LRRC49: variants seen among roughly 807,000 people sequenced by gnomAD.
The protein encoded by LRRC49 is leucine rich repeat containing 49.
LRRC49 carries 50 observed loss-of-function variants against 83.3 expected under a neutral mutation model. The ratio of observed to expected loss-of-function variants is 0.60; its 90% CI spans 0.48 to 0.76. The LOEUF (loss-of-function observed/expected upper bound fraction) is 0.76. Among genes scored for constraint, LRRC49 ranks in the 30% least tolerant of loss-of-function variants. The pLI, the probability that LRRC49 is intolerant of heterozygous loss-of-function variation, is 0.00. For missense variants in LRRC49, 704 were observed against 809.1 expected, an observed-to-expected ratio of 0.87 and a Z score of 1.58; for synonymous variants, 286 against 283.3, an observed-to-expected ratio of 1.01 and a Z score of -0.10.
intron 15 of LRRC49, among the ~76,000 whole-genome samples, chr15:71,049,170 G>T (rs2039945533): frequency 6.6e-6 from 1 of 152,120 alleles, no homozygotes. Flanking sequence ...ACATTTTCTA[G>T]CAGAGCTGTC....
At chr15:71,039,441 G>A (rs554926316) in intron 15 of LRRC49, among the ~76,000 whole-genome samples, 6 of 152,246 alleles carry the variant, frequency 3.9e-5, no homozygotes, top group Non-Finnish European at 5.9e-5. Flanking sequence ...TTCTATGGAC[G>A]ATTGGTTTCA....
intron 1 of LRRC49, chr15:70,853,675 G>A: frequency 2.9e-6 from 1 of 342,262 alleles, no homozygotes; most frequent in Non-Finnish European, 5.2e-6. Context: ...AGCCCTGGGA[G>A]CCTCGGTTGG....
intron 6 of LRRC49, among the ~76,000 whole-genome samples, chr15:70,914,508 A>C (rs1299055509): frequency 4.6e-5 from 7 of 152,216 alleles, no homozygotes; most frequent in Non-Finnish European, 1.0e-4. Context: ...GAAACTAATT[A>C]CAATAATCTT....
chr15:70,942,947 G>T (rs1184644103), intron 8 of LRRC49, among the ~76,000 whole-genome samples: 1 of 152,114 alleles, frequency 6.6e-6, no homozygotes, highest in African/African-American at 2.4e-5. Context: ...CTGTTTTAAA[G>T]TTCTTATCTA....
Position 71,008,403 on chromosome 15 carries a change from T to C in LRRC49, c.1194T>C (p.Asn398=), listed in dbSNP as rs1278216264. The change falls in exon 12 of 16, where the codon AAT becomes AAC. Residue 398 remains asparagine (N), a synonymous_variant. Coordinates refer to ENST00000260382, the MANE Select transcript of LRRC49 (RefSeq NM_017691.5). ...GGCCTCTAGACTCAGGACTCAACAA[T>C]GCTTTACAAGGTTTATCTGTCATAG... is the stretch of plus-strand genomic sequence containing the variant. ...ETGPLDSGLN[N]ALQGLSVIDT... 6.2e-7 allele frequency: 1 copy of C among 1,612,596 alleles called. No individual in the cohort carries two copies. Among genetic ancestry groups the C allele is most frequent in the Admixed American group, 1.7e-5 (1 of 59,952 alleles).
intron 6 of LRRC49, among the ~76,000 whole-genome samples, chr15:70,914,910 A>T (rs1358530575): frequency 6.6e-6 from 1 of 152,208 alleles, no homozygotes; most frequent in Non-Finnish European, 1.5e-5. Flanking sequence ...TTACTCTCAT[A>T]CACAAAGGTT....
intron 15 of LRRC49, among the ~76,000 whole-genome samples, chr15:71,047,269 C>T (rs151077002): frequency 0.012 from 1,801 of 152,248 alleles, 35 homozygotes; most frequent in African/African-American, 0.04. Flanking sequence ...CTGTAAATTA[C>T]TTTGGGCAAT....
At chr15:70,859,774 C>G (rs530592669) in intron 1 of LRRC49, 40 of 735,740 alleles carry the variant, frequency 5.4e-5, no homozygotes, top group Non-Finnish European at 8.2e-5. Context: ...CCAAGCTGTC[C>G]GAGCTGGAGG....
intron 2 of LRRC49, chr15:70,883,022 T>TA: frequency 1.0e-6 from 1 of 981,220 alleles, no homozygotes; most frequent in African/African-American, 1.6e-5. Context: ...CACATATTAG[T>TA]AAGGCTGATA....
At chr15:70,856,100 T>A (rs1262260702) in intron 1 of LRRC49, among the ~76,000 whole-genome samples, 1 of 152,218 alleles carries the variant, frequency 6.6e-6, no homozygotes, top group Non-Finnish European at 1.5e-5. Flanking sequence ...GAACAATTCA[T>A]ACATGTCTTT....
At chr15:70,866,212 A>C (rs899768311) in intron 1 of LRRC49, among the ~76,000 whole-genome samples, 1 of 151,606 alleles carries the variant, frequency 6.6e-6, no homozygotes, top group Non-Finnish European at 1.5e-5. Context: ...CAGTGGTGCG[A>C]TCTTGGCTCA....
At chr15:70,948,324 C>A (rs2036085539) in intron 8 of LRRC49, among the ~76,000 whole-genome samples, 1 of 151,562 alleles carries the variant, frequency 6.6e-6, no homozygotes, top group South Asian at 2.1e-4. Flanking sequence ...TACTTCATTG[C>A]ACTCCTGATA....
chr15:71,031,707 G>A (rs2039357260), intron 14 of LRRC49, among the ~76,000 whole-genome samples: 1 of 152,178 alleles, frequency 6.6e-6, no homozygotes, highest in Admixed American at 6.5e-5. Flanking sequence ...GAGATGCCCT[G>A]CCCAGTAAGG....
chr15:70,957,400 T>C lies in LRRC49; in HGVS notation c.774-6385T>C, dbSNP rs368062628. On this transcript the variant is annotated intron_variant, in intron 8 of 15. Coordinates refer to ENST00000260382, the MANE Select transcript of LRRC49 (RefSeq NM_017691.5). ...AAGTGCATCTGCCTAATTAGTAATATATAGGGTCATAATGCTACTTAAATA... is the reference window on the plus strand; with the variant it reads ...AAGTGCATCTGCCTAATTAGTAATACATAGGGTCATAATGCTACTTAAATA... 2.0e-5 allele frequency among the ~76,000 whole-genome samples: 3 copies of C among 152,320 alleles called. No individual in the cohort carries two copies. The South Asian group carries it at 6.2e-4, about 32-fold the overall frequency.
chr15:70,928,659 G>A (rs1219840044), intron 7 of LRRC49, among the ~76,000 whole-genome samples: 6 of 151,914 alleles, frequency 3.9e-5, no homozygotes, highest in Non-Finnish European at 4.4e-5. Flanking sequence ...TCCACCTCCC[G>A]GGTTCAAGTA....
chr15:70,956,650 T>A (rs1051119733), intron 8 of LRRC49, among the ~76,000 whole-genome samples: 3 of 152,148 alleles, frequency 2.0e-5, no homozygotes, highest in African/African-American at 7.2e-5. Flanking sequence ...TAACCCATCA[T>A]TAGCCTGTAT....
chr15:70,903,308 T>A (rs1028499368), intron 4 of LRRC49, among the ~76,000 whole-genome samples: 1 of 152,002 alleles, frequency 6.6e-6, no homozygotes, highest in Non-Finnish European at 1.5e-5. Flanking sequence ...AATATTGTGA[T>A]AAAATAATTG....
chr15:70,933,427 C>A (rs562881321), intron 7 of LRRC49, among the ~76,000 whole-genome samples: 90 of 152,188 alleles, frequency 5.9e-4, no homozygotes, highest in Non-Finnish European at 9.9e-4. Context: ...GAAATAGTTA[C>A]CTCCAGAAAG....
At chr15:70,873,892 T>G (rs1398451952) in intron 2 of LRRC49, among the ~76,000 whole-genome samples, 1 of 152,258 alleles carries the variant, frequency 6.6e-6, no homozygotes, top group Non-Finnish European at 1.5e-5. Flanking sequence ...GAAGAATTTT[T>G]GGCTATTTTT....
Sources: allele counts gnomAD v4.1 joint callset (sites outside exome capture counted in the v4.1 genomes callset), GRCh38; gene constraint gnomAD v4.1.1; transcripts MANE v1.5; gene names NCBI Gene and HGNC (gene_info 2026-07-23, HGNC 2026-07-21).